PROSER1: variants seen among roughly 807,000 people sequenced by gnomAD.
The protein encoded by PROSER1 is proline and serine rich 1.
In PROSER1, 36 loss-of-function variants were observed where a neutral mutation model predicts 71.8. That is an observed-to-expected ratio of 0.50 (90% confidence interval 0.38 to 0.66). PROSER1 has a LOEUF of 0.66. PROSER1 is among the 30% of genes least tolerant of loss of function. The pLI is 0.00. For missense variants in PROSER1, 1,107 were observed against 1,135.0 expected (o/e 0.98, Z 0.35); for synonymous variants, 490 against 452.4 (o/e 1.08, Z -1.06).
intron 3 of PROSER1, among the ~76,000 whole-genome samples, chr13:39,030,978 T>C (rs989725275): frequency 6.6e-6 from 1 of 152,176 alleles, no homozygotes; most frequent in African/African-American, 2.4e-5. Flanking sequence ...CCACTGAAGA[T>C]ATCCAGGCCT....
chr13:39,037,163 T>C (rs1360932619), intron 1 of PROSER1, 35 bp downstream of exon 1: 16 of 1,462,444 alleles, frequency 1.1e-5, no homozygotes, highest in Non-Finnish European at 1.4e-5. Flanking sequence ...CGAGAATTCA[T>C]CTCATAAAAT....
In PROSER1 at chr13:39,031,554, G is replaced by A; in HGVS notation, c.180+9C>T. On this transcript the variant is annotated intron_variant, in intron 3 of 12. Coordinates refer to ENST00000352251, the MANE Select transcript of PROSER1 (RefSeq NM_025138.5). ...TTCTACGTTCTGAAGGAAAAAATAAGTTACTTACATGCTGTAATGCTTTCA... is the reference window on the plus strand; with the variant it reads ...TTCTACGTTCTGAAGGAAAAAATAAATTACTTACATGCTGTAATGCTTTCA... 6.3e-7 allele frequency: 1 copy of A among 1,586,822 alleles called. No individual in the cohort carries two copies. The highest frequency in any genetic ancestry group is 8.6e-7 in the Non-Finnish European group (1 of 1,163,776).
chr13:39,026,709 G>C (rs1870561985), intron 5 of PROSER1, among the ~76,000 whole-genome samples: 1 of 152,142 alleles, frequency 6.6e-6, no homozygotes, highest in Non-Finnish European at 1.5e-5. Flanking sequence ...AGAAATAACA[G>C]TTCAAATCTA....
chr13:39,014,679 TAG>T (rs1869924663), intron 10 of PROSER1, among the ~76,000 whole-genome samples: 1 of 152,226 alleles, frequency 6.6e-6, no homozygotes, highest in African/African-American at 2.4e-5. Context: ...AGTTTTCGTC[TAG>T]ACTCTGCTCA....
intron 1 of PROSER1, among the ~76,000 whole-genome samples, chr13:39,035,276 T>C (rs1254573023): frequency 1.3e-5 from 2 of 152,158 alleles, no homozygotes; most frequent in East Asian, 1.9e-4. Context: ...AACAAAGTCT[T>C]GGATTGTACT....
At chr13:39,014,626 G>A (rs558771480) in intron 10 of PROSER1, 150 bp from the exon 11 acceptor site, 193 of 659,212 alleles carry the variant, frequency 2.9e-4, no homozygotes, top group Non-Finnish European at 4.2e-4. Flanking sequence ...CTAAATTGCT[G>A]GGTTCCATTT....
chr13:39,030,695 T>C (rs943090378), intron 3 of PROSER1, among the ~76,000 whole-genome samples: 3 of 152,116 alleles, frequency 2.0e-5, no homozygotes, highest in African/African-American at 7.2e-5. Flanking sequence ...CCCAAAGTGC[T>C]GGGATTACAG....
At chr13:39,011,725 T>C (rs1333136914) in intron 12 of PROSER1, among the ~76,000 whole-genome samples, 1 of 152,226 alleles carries the variant, frequency 6.6e-6, no homozygotes, top group African/African-American at 2.4e-5. Context: ...CAAAAGTCAA[T>C]AGGTTTTCTA....
chr13:39,036,911 A>C (rs1871139163), intron 1 of PROSER1, among the ~76,000 whole-genome samples: 1 of 152,192 alleles, frequency 6.6e-6, no homozygotes, highest in African/African-American at 2.4e-5. Context: ...TTACCCAAAA[A>C]GTACAGAGCT....
At position 39,014,137 on chromosome 13, in the gene PROSER1, G is replaced by A. The variant is rs1285902656; in HGVS notation, c.1115C>T (p.Ser372Phe). The change falls in exon 11 of 13, where the codon TCT becomes TTT. Residue 372 changes from serine (S) to phenylalanine (F), a missense_variant. By Grantham distance (155) the Ser-to-Phe change is radical (BLOSUM62 -2). Transcript: ENST00000352251. ...FSGLVSLPGP[S>F]ATPTAATPTP... ...AGGAGTGGCTGCGGTAGGAGTGGCA[G>A]AAGGACCTGGCAGTGACACTAGGCC... 2 of 1,614,186 alleles carry A rather than the reference G, an allele frequency of 1.2e-6. No homozygotes were observed. The highest frequency in any genetic ancestry group is 1.7e-6 in the Non-Finnish European group (2 of 1,180,038).
At position 39,013,373 on chromosome 13, in the gene PROSER1, T is replaced by C. The variant is rs116580331; in HGVS notation, c.1879A>G (p.Asn627Asp). The C allele has an allele frequency of 1.2e-5, 19 of 1,614,182 alleles. No homozygotes were observed. In the African/African-American group the frequency reaches 1.5e-4, roughly 12 times the overall value. ...SAFKGPSHSG[N>D]PSHGTLGLSG... is the part of the protein sequence containing the mutation. ...AAACCTAAAGTGCCATGAGAGGGAT[T>C]CCCAGAATGAGATGGACCTTTGAAG... The change falls in exon 11 of 13, where the codon AAT becomes GAT. Residue 627 changes from asparagine to aspartate, a missense_variant. Coordinates refer to ENST00000352251, the MANE Select transcript of PROSER1 (RefSeq NM_025138.5).
intron 5 of PROSER1, among the ~76,000 whole-genome samples, chr13:39,027,436 C>T (rs1037378149): frequency 4.6e-5 from 7 of 151,984 alleles, no homozygotes; most frequent in African/African-American, 1.7e-4. Flanking sequence ...ACACTCAGGC[C>T]CAGAATATTT....
At chr13:39,029,187 GTTAGACACATTAACACACACTAA>G (rs1439005900) in intron 4 of PROSER1, 71 bp downstream of exon 4, 1 of 643,304 alleles carries the variant, frequency 1.6e-6, no homozygotes, top group East Asian at 3.1e-5. Context: ...ACTGTATTTT[GTTAGACACATTAACACACACTAA>G]TTAGACACTT....
At chr13:39,012,633 T>C in intron 11 of PROSER1, 58 bp downstream of exon 11, 2 of 1,303,888 alleles carry the variant, frequency 1.5e-6, no homozygotes, top group Non-Finnish European at 2.1e-6. Flanking sequence ...TGAAATGAAA[T>C]GTGAACTACA....
At chr13:39,029,809 T>C (rs538176100) in intron 3 of PROSER1, among the ~76,000 whole-genome samples, 3 of 151,044 alleles carry the variant, frequency 2.0e-5, no homozygotes, top group African/African-American at 7.3e-5. Flanking sequence ...ATGTTAAACA[T>C]ATTACAAAAA....
intron 1 of PROSER1, among the ~76,000 whole-genome samples, chr13:39,035,176 G>A (rs1299662295): frequency 2.0e-5 from 3 of 152,134 alleles, no homozygotes; most frequent in African/African-American, 7.2e-5. Context: ...AATATTCACT[G>A]AAAAGGGAGA....
Position 39,011,065 on chromosome 13 carries a change from CT to C in PROSER1, c.*299del, listed in dbSNP as rs1869620624. On this transcript the variant is annotated 3_prime_UTR_variant, in exon 13 of 13. Transcript: ENST00000352251. Reference sequence around the variant, plus strand: ...TCGGCTATAAAGAGTTCAACCTACTCTTTAATATTCTTTCTATGTAGATCAC... The same window carrying C: ...TCGGCTATAAAGAGTTCAACCTACTCTTAATATTCTTTCTATGTAGATCAC... 3.7e-6 allele frequency: 1 copy of C among 267,384 alleles called. No individual in the cohort carries two copies. Among genetic ancestry groups the C allele is most frequent in the African/African-American group, 2.3e-5 (1 of 43,940 alleles). 16.6% of individuals were successfully genotyped at this position (267,384 alleles called of 1,614,324 possible). A position where few individuals can be genotyped will look rare whatever the true frequency, so the allele number is the denominator to read the frequency against.
chr13:39,026,825 A>T (rs1011807893), intron 5 of PROSER1, among the ~76,000 whole-genome samples: 3 of 152,186 alleles, frequency 2.0e-5, no homozygotes, highest in African/African-American at 7.2e-5. Flanking sequence ...AACAAGTAAC[A>T]TGACATTGGG....
intron 7 of PROSER1, chr13:39,023,819 C>A (rs764418789): frequency 1.3e-5 from 2 of 152,532 alleles, no homozygotes; most frequent in Non-Finnish European, 2.9e-5. Context: ...TTTTTACCTA[C>A]AGAGAGAGCA....
Sources: allele counts gnomAD v4.1 joint callset (sites outside exome capture counted in the v4.1 genomes callset), GRCh38; gene constraint gnomAD v4.1.1; transcripts MANE v1.5; gene names NCBI Gene and HGNC (gene_info 2026-07-23, HGNC 2026-07-21).